The following AFF4 variants were observed in gnomAD, a reference collection of about 807,000 sequenced individuals.
AFF4 encodes ALF transcription elongation factor 4.
AFF4 carries 13 observed loss-of-function variants against 124.8 expected under a neutral mutation model. That is an observed-to-expected ratio of 0.10 (90% CI 0.07 to 0.17). The LOEUF is 0.17. AFF4 is among the 10% of genes least tolerant of loss of function. The pLI, the probability that AFF4 is intolerant of heterozygous loss-of-function variation, is 1.00. For synonymous variants in AFF4, 477 were observed against 496.1 expected (o/e 0.96, Z 0.51); for missense variants, 1,092 against 1,403.8 (o/e 0.78, Z 3.55).
intron 13 of AFF4, 30 bp downstream of exon 13, chr5:132,892,134 T>G (rs762685321): frequency 1.9e-6 from 3 of 1,613,944 alleles, no homozygotes; most frequent in Non-Finnish European, 2.5e-6. Flanking sequence ...TTGAATGATT[T>G]TCAAAAGCCC....
intron 5 of AFF4, among the ~76,000 whole-genome samples, chr5:132,910,170 T>C (rs1292721745): frequency 1.3e-5 from 2 of 152,238 alleles, no homozygotes; most frequent in Non-Finnish European, 2.9e-5. Context: ...CAATCTTTAG[T>C]AAGTTTTATT....
rs946046161 is a variant in AFF4 at position 132,880,031 on chromosome 5, T to C, written c.*1028A>G. 1.8e-5 allele frequency: 7 copies of C among 392,944 alleles called. No individual in the cohort carries two copies. In the Admixed American group the frequency reaches 2.7e-4, roughly 15 times the overall value. 24.3% of individuals were successfully genotyped at this position (392,944 alleles called of 1,614,324 possible). On this transcript the variant is annotated 3_prime_UTR_variant, in exon 21 of 21. Transcript: ENST00000265343. ...CTGTATCAGTCATTGCATGCTCATA[T>C]CAGAGCATCACAATCCAGTATGAGG...
At chr5:132,962,157 A>C (rs895374702) in intron 1 of AFF4, among the ~76,000 whole-genome samples, 3 of 152,258 alleles carry the variant, frequency 2.0e-5, no homozygotes, top group African/African-American at 7.2e-5. Flanking sequence ...AATTTTGATA[A>C]GTTAAAGACC....
intron 1 of AFF4, chr5:132,948,765 C>G (rs974089244): frequency 6.1e-6 from 1 of 164,032 alleles, no homozygotes; most frequent in East Asian, 1.7e-4. Flanking sequence ...ATCAAGAAAG[C>G]GAATTCCTTT....
chr5:132,916,662 A>G (rs541667420), intron 5 of AFF4, among the ~76,000 whole-genome samples: 1 of 152,236 alleles, frequency 6.6e-6, no homozygotes, highest in South Asian at 2.1e-4. Flanking sequence ...TGGAGGCCCT[A>G]TAATTAAACT....
intron 5 of AFF4, among the ~76,000 whole-genome samples, chr5:132,920,746 G>A (rs1224921324): frequency 6.6e-6 from 1 of 151,986 alleles, no homozygotes; most frequent in Non-Finnish European, 1.5e-5. Context: ...GTTCTTAGAG[G>A]GACACTATTA....
chr5:132,877,629 G>A lies in AFF4; in HGVS notation c.*3430C>T, dbSNP rs755720592. 5.2e-5 allele frequency: 11 copies of A among 210,368 alleles called. No homozygotes were observed. The highest frequency in any genetic ancestry group is 9.7e-5 in the Non-Finnish European group (10 of 103,394). The allele number at this position is 210,368 out of a possible 1,614,324, so 13.0% of individuals were successfully genotyped here. On this transcript the variant is annotated 3_prime_UTR_variant, in exon 21 of 21. Transcript: ENST00000265343. ...AGTGTACTCCTCCTCTATATAACTAGGCATCACTGACTGGAACAATCACTG... is the reference window on the plus strand; with the variant it reads ...AGTGTACTCCTCCTCTATATAACTAAGCATCACTGACTGGAACAATCACTG...
chr5:132,934,472 T>C lies in AFF4; in HGVS notation c.593A>G (p.His198Arg). The change falls in exon 3 of 21, where the codon CAT becomes CGT. Residue 198 changes from histidine (H) to arginine (R), a missense_variant. His to Arg is a conservative substitution (Grantham distance 29). Around this residue, in one of 11 missense-constraint regions of AFF4, gnomAD observed 188 missense variants for 203.0 expected, o/e 0.93. Transcript: ENST00000265343. ...TTCCTTGCTATGGTGATCATTCCCA[T>C]GAGACCTGGAATGACTAGAGTTTAA... is the stretch of plus-strand genomic sequence containing the variant. ...SSLNSSHSRS[H>R]GNDHHSKEHQ... 6.2e-7 allele frequency: 1 copy of C among 1,613,906 alleles called. No homozygotes were observed. The highest frequency in any genetic ancestry group is 8.5e-7 in the Non-Finnish European group (1 of 1,179,770).
At chr5:132,910,269 T>A (rs183581005) in intron 5 of AFF4, among the ~76,000 whole-genome samples, 89 of 152,308 alleles carry the variant, frequency 5.8e-4, no homozygotes, top group African/African-American at 2.1e-3. Flanking sequence ...AGGAGAGAGA[T>A]GAATATACTA....
chr5:132,897,128 C>G lies in AFF4; in HGVS notation c.1502G>C (p.Gly501Ala). 1 of 1,614,136 alleles carries G rather than the reference C, an allele frequency of 6.2e-7. No homozygotes were observed. The highest frequency in any genetic ancestry group is 1.1e-5 in the South Asian group (1 of 91,082). Reference protein sequence around the residue: ...SVDSNIPSSQGYKKEGREQGT... With the variant: ...SVDSNIPSSQAYKKEGREQGT... ...CTGCTCTCGGCCTTCCTTTTTGTAG[C>G]CTTGAGATGATGGGATGTTACTGTC... Residue 501 changes from glycine (G) to alanine (A), a missense_variant, in exon 11 of 21, where the codon GGC becomes GCC. By Grantham distance (60) the Gly-to-Ala change is moderately conservative. Around this residue, in one of 11 missense-constraint regions of AFF4, gnomAD observed 174 missense variants for 205.9 expected, o/e 0.84. Coordinates refer to ENST00000265343, the MANE Select transcript of AFF4 (RefSeq NM_014423.4).
At chr5:132,933,631 C>T (rs1250219931) in intron 3 of AFF4, among the ~76,000 whole-genome samples, 1 of 152,148 alleles carries the variant, frequency 6.6e-6, no homozygotes, top group Non-Finnish European at 1.5e-5. Context: ...CAAACCATCA[C>T]TATGAACCTG....
At chr5:132,907,967 A>AC (rs1760707586) in intron 5 of AFF4, among the ~76,000 whole-genome samples, 1 of 152,212 alleles carries the variant, frequency 6.6e-6, no homozygotes, top group Admixed American at 6.5e-5. Context: ...GGAGAGTTAC[A>AC]CAACTACATC....
At chr5:132,884,428 GATGGGGTTTCACC>G (rs1458576690) in intron 19 of AFF4, among the ~76,000 whole-genome samples, 1 of 152,092 alleles carries the variant, frequency 6.6e-6, no homozygotes, top group East Asian at 1.9e-4. Context: ...TTTTAGCACA[GATGGGGTTTCACC>G]ATGTTGGCCA....
intron 18 of AFF4, 107 bp from the exon 19 acceptor site, chr5:132,885,226 T>C (rs530196901): frequency 4.8e-5 from 37 of 766,220 alleles, no homozygotes; most frequent in African/African-American, 1.5e-4. Context: ...TGAGCAGCTG[T>C]AAATATTTAA....
intron 4 of AFF4, among the ~76,000 whole-genome samples, chr5:132,931,630 A>G (rs1238508977): frequency 6.6e-6 from 1 of 152,242 alleles, no homozygotes; most frequent in Non-Finnish European, 1.5e-5. Context: ...CAGGCAAAGT[A>G]AGTGTTAAGA....
At chr5:132,891,848 C>T (rs1190088887) in intron 13 of AFF4, 17 of 410,522 alleles carry the variant, frequency 4.1e-5, no homozygotes, top group Non-Finnish European at 4.3e-6. Flanking sequence ...GACAGGGTCT[C>T]ACCACATTGC....
chr5:132,923,811 G>A (rs1377693236), intron 5 of AFF4, among the ~76,000 whole-genome samples: 1 of 152,156 alleles, frequency 6.6e-6, no homozygotes, highest in African/African-American at 2.4e-5. Flanking sequence ...TTTTTACTAT[G>A]TGACCCAGTA....
In AFF4 at chr5:132,879,126, A is replaced by G. The variant is rs1405325331; in HGVS notation, c.*1933T>C. The G allele has an allele frequency of 4.5e-6, 1 of 220,612 alleles. No homozygotes were observed. The highest frequency in any genetic ancestry group is 2.2e-5 in the African/African-American group (1 of 44,660). 13.7% of individuals were successfully genotyped at this position (220,612 alleles called of 1,614,324 possible). ...CCAAGAGAAACAGGTTAAATTCAAC[A>G]TAATTTGTACATCTCAATCTTCAAT... On this transcript the variant is annotated 3_prime_UTR_variant, in exon 21 of 21. Coordinates refer to ENST00000265343, the MANE Select transcript of AFF4 (RefSeq NM_014423.4).
chr5:132,948,334 T>C (rs572734066), intron 1 of AFF4, among the ~76,000 whole-genome samples: 2 of 152,326 alleles, frequency 1.3e-5, no homozygotes, highest in African/African-American at 4.8e-5. Flanking sequence ...TGTTTTTCTC[T>C]GATGAATGTT....
Sources: allele counts gnomAD v4.1 joint callset (sites outside exome capture counted in the v4.1 genomes callset), GRCh38; gene constraint gnomAD v4.1.1; regional missense constraint gnomAD v4.1.1; transcripts MANE v1.5; gene names NCBI Gene and HGNC (gene_info 2026-07-23, HGNC 2026-07-21).